Variants in HMCN2 observed in about 807,000 individuals in gnomAD.
HMCN2 encodes hemicentin-2.
A neutral mutation model predicts 377.5 loss-of-function variants in HMCN2; 325 were observed. That is an observed-to-expected ratio of 0.86 (90% CI 0.79 to 0.94). HMCN2 has a LOEUF of 0.94. Among genes scored for constraint, HMCN2 ranks in the 40% least tolerant of loss-of-function variants. The pLI, the probability that HMCN2 is intolerant of heterozygous loss-of-function variation, is 0.00. For synonymous variants in HMCN2, 2,007 were observed against 2,046.8 expected, an observed-to-expected ratio of 0.98 and a Z score of 0.53; for missense variants, 4,543 against 4,725.3, an observed-to-expected ratio of 0.96 and a Z score of 1.13.
intron 14 of HMCN2, among the ~76,000 whole-genome samples, chr9:130,309,514 C>CAAAAAAAAAA (rs143190808): frequency 1.4e-5 from 1 of 72,380 alleles, no homozygotes; most frequent in Non-Finnish European, 2.6e-5. Flanking sequence ...GACTCTGTCT[C>CAAAAAAAAAA]AAAAAAAAAA....
chr9:130,403,838 G>T lies in HMCN2; in HGVS notation c.12111G>T (p.Ala4037=), dbSNP rs531317328. 3 of 1,289,664 alleles carry T rather than the reference G, an allele frequency of 2.3e-6. No homozygotes were observed. Among genetic ancestry groups the T allele is most frequent in the African/African-American group, 3.0e-5 (2 of 65,856 alleles). 79.9% of individuals were successfully genotyped at this position (1,289,664 alleles called of 1,614,324 possible). Residue 4037 remains alanine (A), a synonymous_variant, in exon 80 of 98, where the codon GCG becomes GCT. Coordinates refer to ENST00000683500, the MANE Select transcript of HMCN2 (RefSeq NM_001291815.2). The part of the protein sequence containing the change: ...GNYLCIAKNS[A]GSAMGKTRLV... ...ATCTCTGCATCGCTAAGAACAGTGCGGGCAGTGCCATGGGGAAGACGCGGC... is the reference window on the plus strand; with the variant it reads ...ATCTCTGCATCGCTAAGAACAGTGCTGGCAGTGCCATGGGGAAGACGCGGC...
Position 130,362,983 on chromosome 9 carries a change from A to T in HMCN2, c.6225A>T (p.Gln2075His). 1 of 985,944 alleles carries T rather than the reference A, an allele frequency of 1.0e-6. No homozygotes were observed. Among genetic ancestry groups the T allele is most frequent in the South Asian group, 4.7e-5 (1 of 21,282 alleles). The allele number at this position is 985,944 out of a possible 1,614,324, so 61.1% of individuals were successfully genotyped here. A position where few individuals can be genotyped will look rare whatever the true frequency, so the allele number is the denominator to read the frequency against. Residue 2075 changes from glutamine (Q) to histidine (H), a missense_variant, in exon 40 of 98, where the codon CAA becomes CAT. Around this residue, in one of 5 missense-constraint regions of HMCN2, gnomAD observed 1,032 missense variants for 1,285.1 expected, o/e 0.80. Coordinates refer to ENST00000683500, the MANE Select transcript of HMCN2 (RefSeq NM_001291815.2). ...VGEDRQDVVLQVHMPPSILGE... is the reference protein window; with the variant it reads ...VGEDRQDVVLHVHMPPSILGE... ...AGGACCGCCAGGATGTTGTCCTGCA[A>T]GTCCACAGTGAGTCTCAGACTGGGA...
intron 4 of HMCN2, among the ~76,000 whole-genome samples, chr9:130,292,054 A>G (rs77026423): frequency 6.6e-6 from 1 of 151,238 alleles, no homozygotes; most frequent in East Asian, 1.9e-4. Flanking sequence ...GTTTCCCTCA[A>G]ACTGGATAAG....
rs1697827443 is a variant in HMCN2, at chr9:130,400,782, G to T, written c.11606-1G>T. On this transcript the variant is annotated splice_acceptor_variant, in intron 76 of 97. Transcript: ENST00000683500. LOFTEE classifies it high-confidence loss of function. ...GCCTCAAGCCTTGTCTTGGGTTTTA[G>T]TGCCTCCCACCATTGCCGATGACCA... 1 of 1,284,228 alleles carries T rather than the reference G, an allele frequency of 7.8e-7. No individual in the cohort carries two copies. The highest frequency in any genetic ancestry group is 1.0e-6 in the Non-Finnish European group (1 of 986,462). 79.6% of individuals were successfully genotyped at this position (1,284,228 alleles called of 1,614,324 possible).
chr9:130,306,048 G>T, intron 11 of HMCN2, 81 bp from the exon 12 acceptor site: 1 of 444,674 alleles, frequency 2.2e-6, no homozygotes, highest in Non-Finnish European at 4.8e-6. Context: ...TATGGGAGGG[G>T]AAGAGCCCGG....
intron 8 of HMCN2, among the ~76,000 whole-genome samples, chr9:130,302,412 C>T (rs977823530): frequency 1.3e-5 from 2 of 152,168 alleles, no homozygotes; most frequent in Non-Finnish European, 2.9e-5. Flanking sequence ...ATGTTCTAGG[C>T]GGAGAAGCAA....
Position 130,402,732 on chromosome 9 carries a change from C to T in HMCN2, c.11771-57C>T, listed in dbSNP as rs73551780. On this transcript the variant is annotated intron_variant, in intron 77 of 97. Transcript: ENST00000683500. ...GAGTGGGGTTGTGTAGGAGCCCTGC[C>T]ACCTCCATCCCTGGGGACCTCTGTC... is the stretch of plus-strand genomic sequence containing the variant. 3.9e-3 allele frequency: 4,345 copies of T among 1,117,926 alleles called. 124 individuals are homozygous for T. In the African/African-American group the frequency reaches 0.059, roughly 15 times the overall value. The allele number at this position is 1,117,926 out of a possible 1,614,324, so 69.3% of individuals were successfully genotyped here.
In HMCN2 at chr9:130,369,559, C is replaced by A. The variant is rs1286325560; in HGVS notation, c.6788-11C>A. On this transcript the variant is annotated splice_polypyrimidine_tract_variant and intron_variant, in intron 44 of 97. Coordinates refer to ENST00000683500, the MANE Select transcript of HMCN2 (RefSeq NM_001291815.2). This position sits in a 1 kb window ranked among gnomAD's most constrained non-coding sequence, Gnocchi z 4.5. ...AGCTTTCTCTGATGGGCTTTCTCCC[C>A]ACCCCAACAGTTCCCCCTCAGATTG... 1 of 985,728 alleles carries A rather than the reference C, an allele frequency of 1.0e-6. No homozygotes were observed. Among genetic ancestry groups the A allele is most frequent in the Non-Finnish European group, 1.2e-6 (1 of 829,840 alleles). The allele number at this position is 985,728 out of a possible 1,614,324, so 61.1% of individuals were successfully genotyped here. A position where few individuals can be genotyped will look rare whatever the true frequency, so the allele number is the denominator to read the frequency against.
chr9:130,332,755 T>A (rs958212221), intron 22 of HMCN2, among the ~76,000 whole-genome samples: 39 of 152,188 alleles, frequency 2.6e-4, no homozygotes, highest in Non-Finnish European at 5.1e-4. Flanking sequence ...GGGCAGTGGT[T>A]TCCGGGAGGG....
chr9:130,281,365 G>A (rs1206982093), intron 1 of HMCN2, among the ~76,000 whole-genome samples: 1 of 152,070 alleles, frequency 6.6e-6, no homozygotes, highest in East Asian at 1.9e-4. Flanking sequence ...GGAGGCCGAG[G>A]CAAGTGTATC....
Position 130,405,936 on chromosome 9 carries a change from C to T in HMCN2, c.12340-19C>T, listed in dbSNP as rs1272162861. 1.6e-6 allele frequency: 2 copies of T among 1,277,976 alleles called. No individual in the cohort carries two copies. Among genetic ancestry groups the T allele is most frequent in the South Asian group, 2.5e-5 (2 of 80,310 alleles). 79.2% of individuals were successfully genotyped at this position (1,277,976 alleles called of 1,614,324 possible). A position where few individuals can be genotyped will look rare whatever the true frequency, so the allele number is the denominator to read the frequency against. The stretch of plus-strand genomic sequence containing the variant: ...CGAGGTGGGGCAGTTCTCCGGCCAA[C>T]CCCTTTCTTTGCTCACAGGGCCAGG... On this transcript the variant is annotated intron_variant, in intron 81 of 97. Transcript: ENST00000683500.
At position 130,428,733 on chromosome 9, in the gene HMCN2, C is replaced by T. The variant is rs935189540; in HGVS notation, c.14197+244C>T. On this transcript the variant is annotated intron_variant, in intron 93 of 97. Coordinates refer to ENST00000683500, the MANE Select transcript of HMCN2 (RefSeq NM_001291815.2). This position sits in a 1 kb window ranked among gnomAD's most constrained non-coding sequence, Gnocchi z 5.0. ...GGGGTGTTTTCTTTCTGCACCTCAG[C>T]ATCTTGTCTGCTTGATAAAGAGGGA... Among the ~76,000 whole-genome samples the T allele has an allele frequency of 3.2e-4, 49 of 152,188 alleles. No individual in the cohort carries two copies. Among genetic ancestry groups the T allele is most frequent in the African/African-American group, 1.0e-3 (42 of 41,442 alleles).
intron 15 of HMCN2, among the ~76,000 whole-genome samples, chr9:130,313,954 A>AT (rs1837410006): frequency 6.6e-6 from 1 of 151,388 alleles, no homozygotes; most frequent in African/African-American, 2.4e-5. Flanking sequence ...TGATTTTTGT[A>AT]TTTTTTGTAG....
chr9:130,395,941 A>C lies in HMCN2; in HGVS notation c.10929A>C (p.Gln3643His), dbSNP rs1842585594. ...GIVLQEDAHT[Q>H]FPERGRFLQL... The stretch of plus-strand genomic sequence containing the variant: ...CTCTCCAGGAGGACGCCCACACACA[A>C]TTCCCGGAGCGGGGCAGGTTCCTCC... The change falls in exon 72 of 98, where the codon CAA becomes CAC. Residue 3643 changes from glutamine to histidine, a missense_variant. Coordinates refer to ENST00000683500, the MANE Select transcript of HMCN2 (RefSeq NM_001291815.2). 7.8e-7 allele frequency: 1 copy of C among 1,287,360 alleles called. No individual in the cohort carries two copies. The highest frequency in any genetic ancestry group is 1.0e-6 in the Non-Finnish European group (1 of 988,632). 79.7% of individuals were successfully genotyped at this position (1,287,360 alleles called of 1,614,324 possible). A position where few individuals can be genotyped will look rare whatever the true frequency, so the allele number is the denominator to read the frequency against.
rs1199744165 is a variant in HMCN2 at position 130,369,066 on chromosome 9, A to C, written c.6788-504A>C. ...GTCCAGAGGAGAAAAGCCACATCTGAAACAGCTGGAAACCCGAAAGAAGCA... is the reference window on the plus strand; with the variant it reads ...GTCCAGAGGAGAAAAGCCACATCTGCAACAGCTGGAAACCCGAAAGAAGCA... On this transcript the variant is annotated intron_variant, in intron 44 of 97. Coordinates refer to ENST00000683500, the MANE Select transcript of HMCN2 (RefSeq NM_001291815.2). The surrounding 1 kb of genome is among the most constrained non-coding windows in gnomAD (Gnocchi z 4.5). Among the ~76,000 whole-genome samples the C allele has an allele frequency of 6.6e-6, 1 of 152,294 alleles. No homozygotes were observed. Among genetic ancestry groups the C allele is most frequent in the Middle Eastern group, 3.4e-3 (1 of 294 alleles).
At chr9:130,417,484 T>G (rs999005037) in intron 85 of HMCN2, among the ~76,000 whole-genome samples, 1 of 129,618 alleles carries the variant, frequency 7.7e-6, no homozygotes, top group Non-Finnish European at 1.5e-5. Flanking sequence ...ATCGTACCAC[T>G]GCACTCCAGC....
chr9:130,327,963 C>T (rs1392381762), intron 22 of HMCN2, among the ~76,000 whole-genome samples: 7 of 152,176 alleles, frequency 4.6e-5, no homozygotes, highest in Admixed American at 3.3e-4. Context: ...AGGGAGGAGG[C>T]TGGCTTGGGT....
intron 22 of HMCN2, among the ~76,000 whole-genome samples, chr9:130,331,879 C>T (rs2131439184): frequency 6.6e-6 from 1 of 152,290 alleles, no homozygotes; most frequent in East Asian, 1.9e-4. Context: ...GGTGTGGGGG[C>T]AGTGAGAGGA....
chr9:130,432,541 G>A lies in HMCN2; in HGVS notation c.14880G>A (p.Gln4960=), dbSNP rs574509878. ...VDTPCPATYR[Q]GPSPGTCFRR... The stretch of plus-strand genomic sequence containing the variant: ...CACCCTGTCCTGCCACCTACCGGCA[G>A]GGCCCCAGCCCTGGGTAAGGGCTGA... The change falls in exon 97 of 98, where the codon CAG becomes CAA. Residue 4960 remains glutamine (Q), a synonymous_variant. Coordinates refer to ENST00000683500, the MANE Select transcript of HMCN2 (RefSeq NM_001291815.2). 10 of 1,550,576 alleles carry A rather than the reference G, an allele frequency of 6.4e-6. No homozygotes were observed. In the African/African-American group the frequency reaches 1.2e-4, roughly 19 times the overall value.
Sources: gnomAD v4.1 joint callset for allele counts (sites outside exome capture counted in the v4.1 genomes callset) on GRCh38, gnomAD v4.1.1 for gene constraint, gnomAD v4.1.1 regional missense constraint, Gnocchi (gnomAD v3.1) non-coding constraint, MANE v1.5 for transcripts, NCBI Gene and HGNC (gene_info 2026-07-23, HGNC 2026-07-21) for gene names.